Variants in CAMK1D observed in about 807,000 individuals in gnomAD.
The protein encoded by CAMK1D is calcium/calmodulin dependent protein kinase ID.
In CAMK1D, 9 loss-of-function variants were observed where a neutral mutation model predicts 47.7. That is an observed-to-expected ratio of 0.19 (90% CI 0.11 to 0.33). CAMK1D has a LOEUF of 0.33. CAMK1D is among the 10% of genes least tolerant of loss of function. CAMK1D has a pLI of 1.00. For missense variants in CAMK1D, 291 were observed against 488.7 expected, an observed-to-expected ratio of 0.60 and a Z score of 3.81; for synonymous variants, 184 against 184.9, an observed-to-expected ratio of 0.99 and a Z score of 0.04.
intron 2 of CAMK1D, among the ~76,000 whole-genome samples, chr10:12,634,095 G>C (rs1449328899): frequency 6.6e-6 from 1 of 152,188 alleles, no homozygotes; most frequent in Non-Finnish European, 1.5e-5. Flanking sequence ...GTGAGATTCA[G>C]GGTGCACTGG....
chr10:12,704,478 T>G (rs558046710), intron 3 of CAMK1D, among the ~76,000 whole-genome samples: 2 of 152,062 alleles, frequency 1.3e-5, no homozygotes, highest in South Asian at 4.2e-4. Context: ...TTTTCAAGAG[T>G]CTCATGTTTT....
rs192848260 is a variant in CAMK1D, at chr10:12,707,464, A to G, written c.299+40654A>G. ...CAACAAGAATTTAAAGTGTTTATTA[A>G]AAAGGAGAGGAGAGGTAGAGGGTCA... On this transcript the variant is annotated intron_variant, in intron 3 of 10. Transcript: ENST00000619168. Among the ~76,000 whole-genome samples the G allele has an allele frequency of 8.5e-3, 1,297 of 152,306 alleles. 6 individuals carry two copies. The highest frequency in any genetic ancestry group is 0.017 in the Middle Eastern group (5 of 294).
intron 3 of CAMK1D, among the ~76,000 whole-genome samples, chr10:12,683,118 G>A (rs1176199032): frequency 6.4e-5 from 9 of 141,382 alleles, no homozygotes; most frequent in African/African-American, 1.1e-4. Flanking sequence ...ATGGAGTCTC[G>A]CTTTGTTGCC....
intron 2 of CAMK1D, among the ~76,000 whole-genome samples, chr10:12,625,897 T>C (rs1839200054): frequency 6.6e-6 from 1 of 152,216 alleles, no homozygotes; most frequent in African/African-American, 2.4e-5. Flanking sequence ...TGTATAATAT[T>C]AGACCTGTAG....
chr10:12,643,978 G>T (rs1278199168), intron 2 of CAMK1D, among the ~76,000 whole-genome samples: 1 of 152,036 alleles, frequency 6.6e-6, no homozygotes, highest in East Asian at 1.9e-4. Context: ...CAAGCTCAGA[G>T]CTCCTCCTGA....
intron 1 of CAMK1D, among the ~76,000 whole-genome samples, chr10:12,461,413 G>A (rs542464919): frequency 1.5e-4 from 23 of 152,188 alleles, no homozygotes; most frequent in East Asian, 3.9e-4. Context: ...GCTTTTGGCC[G>A]GGCGCAGTGG....
intron 1 of CAMK1D, among the ~76,000 whole-genome samples, chr10:12,462,503 A>T (rs569053230): frequency 6.6e-6 from 1 of 150,840 alleles, no homozygotes; most frequent in African/African-American, 2.4e-5. Flanking sequence ...GGTTATAAGC[A>T]TTGGACCATA....
At chr10:12,816,212 CAA>C (rs1395996257) in intron 7 of CAMK1D, 36 bp from the exon 8 acceptor site, 3 of 1,581,534 alleles carry the variant, frequency 1.9e-6, no homozygotes, top group Non-Finnish European at 2.6e-6. Flanking sequence ...TCTCAAGTCG[CAA>C]AGTGATTCCT....
intron 6 of CAMK1D, among the ~76,000 whole-genome samples, chr10:12,793,144 G>C (rs533175170): frequency 2.6e-5 from 4 of 152,202 alleles, no homozygotes; most frequent in African/African-American, 7.2e-5. Context: ...ACTATGGAAG[G>C]CTTAAGGAAA....
intron 1 of CAMK1D, among the ~76,000 whole-genome samples, chr10:12,508,794 C>T (rs1486014728): frequency 2.0e-5 from 3 of 152,178 alleles, no homozygotes; most frequent in Non-Finnish European, 4.4e-5. Flanking sequence ...TTGGGGGACC[C>T]ACTTGACTTA....
Position 12,751,128 on chromosome 10 carries a change from A to AAGATAAGATAAGATAAGATAAGATAAGAT in CAMK1D, c.300-9820_300-9819insAGATAAGATAAGATAAGATAAGATAAGAT, listed in dbSNP as rs1564535604. Among the ~76,000 whole-genome samples the AAGATAAGATAAGATAAGATAAGATAAGAT allele has an allele frequency of 3.4e-5, 5 of 145,172 alleles. No homozygotes were observed. In the East Asian group the frequency reaches 8.3e-4, roughly 24 times the overall value. ...TAAGATAAGATAAGATAAGATAAGA[A>AAGATAAGATAAGATAAGATAAGATAAGAT]GGCTTCAGAAGGCTTCTTTCGTGAG... On this transcript the variant is annotated intron_variant, in intron 3 of 10. Transcript: ENST00000619168.
At chr10:12,490,581 G>T (rs1429265511) in intron 1 of CAMK1D, among the ~76,000 whole-genome samples, 2 of 152,234 alleles carry the variant, frequency 1.3e-5, no homozygotes, top group African/African-American at 4.8e-5. Flanking sequence ...GGGTGCGGCG[G>T]CTCACGCCTG....
At chr10:12,798,748 G>A (rs1029335945) in intron 6 of CAMK1D, among the ~76,000 whole-genome samples, 9 of 152,248 alleles carry the variant, frequency 5.9e-5, no homozygotes, top group South Asian at 2.1e-4. Context: ...GTTTGAAGGA[G>A]TTGATCGAGC....
chr10:12,539,222 A>C (rs11257873), intron 1 of CAMK1D, among the ~76,000 whole-genome samples: 42,202 of 152,084 alleles, frequency 0.28, 6,123 homozygotes, highest in East Asian at 0.37. Flanking sequence ...CGTCCCTTTA[A>C]TGTAGTAATT....
At chr10:12,802,067 G>T (rs924340925) in intron 6 of CAMK1D, among the ~76,000 whole-genome samples, 3 of 152,070 alleles carry the variant, frequency 2.0e-5, no homozygotes, top group African/African-American at 7.2e-5. Flanking sequence ...GAGAGTTCTG[G>T]GTTGCCATTA....
chr10:12,601,502 T>C (rs993230209), intron 2 of CAMK1D, among the ~76,000 whole-genome samples: 1 of 152,160 alleles, frequency 6.6e-6, no homozygotes, highest in African/African-American at 2.4e-5. Context: ...CTTGCTCTAT[T>C]GTCCAGGCTG....
chr10:12,528,223 C>T (rs1835689191), intron 1 of CAMK1D, among the ~76,000 whole-genome samples: 1 of 152,220 alleles, frequency 6.6e-6, no homozygotes, highest in Admixed American at 6.5e-5. Flanking sequence ...AGTCCACAGA[C>T]ATAACTACAA....
intron 1 of CAMK1D, among the ~76,000 whole-genome samples, chr10:12,364,221 C>T (rs1837766469): frequency 6.8e-6 from 1 of 147,662 alleles, no homozygotes; most frequent in Admixed American, 6.9e-5. Flanking sequence ...AGTCTCTTGA[C>T]TCCAATGCGC....
rs1225379201 is a variant in CAMK1D at position 12,831,864 on chromosome 10, T to C, written c.*2977T>C. Reference sequence around the variant, plus strand: ...TGCACTGCGCTTGGTATGATTTGTTTTCTTATAAAACAGGAAGAGAACCTA... The same window carrying C: ...TGCACTGCGCTTGGTATGATTTGTTCTCTTATAAAACAGGAAGAGAACCTA... On this transcript the variant is annotated 3_prime_UTR_variant, in exon 11 of 11. Coordinates refer to ENST00000619168, the MANE Select transcript of CAMK1D (RefSeq NM_153498.4). 2 of 152,198 alleles carry C rather than the reference T, an allele frequency of 1.3e-5. No individual in the cohort carries two copies. The highest frequency in any genetic ancestry group is 3.9e-4 in the East Asian group (2 of 5,190). The allele number at this position is 152,198 out of a possible 1,614,324, so 9.4% of individuals were successfully genotyped here.
Sources: allele counts gnomAD v4.1 joint callset (sites outside exome capture counted in the v4.1 genomes callset), GRCh38; gene constraint gnomAD v4.1.1; transcripts MANE v1.5; gene names NCBI Gene and HGNC (gene_info 2026-07-23, HGNC 2026-07-21).